CYLC2: variants seen among roughly 807,000 people sequenced by gnomAD.
The protein encoded by CYLC2 is cylicin 2, also known as cylicin-2.
Under a neutral mutation model 26.1 loss-of-function variants are expected in CYLC2, and 30 were observed. The observed-to-expected ratio is 1.15, with a 90% CI of 0.86 to 1.56. CYLC2 has a LOEUF of 1.56. CYLC2 is among the 40% of genes most tolerant of loss of function. The pLI is 0.00. For missense variants in CYLC2, 498 were observed against 394.4 expected, an observed-to-expected ratio of 1.26 and a Z score of -2.23; for synonymous variants, 158 against 132.8, an observed-to-expected ratio of 1.19 and a Z score of -1.31.
At chr9:103,014,417 A>G in intron 6 of CYLC2, among the ~76,000 whole-genome samples, 1 of 71,868 alleles carries the variant, frequency 1.4e-5, no homozygotes, top group Non-Finnish European at 2.8e-5. Flanking sequence ...ACGTAATGTA[A>G]CATAATAACA....
intron 1 of CYLC2, among the ~76,000 whole-genome samples, chr9:103,001,142 C>A (rs1193012762): frequency 1.3e-5 from 2 of 151,760 alleles, no homozygotes; most frequent in African/African-American, 2.4e-5. Flanking sequence ...TATGCTTTTA[C>A]ATAAGCGTAG....
intron 6 of CYLC2, among the ~76,000 whole-genome samples, chr9:103,016,583 A>C (rs1047332959): frequency 1.2e-4 from 19 of 152,046 alleles, no homozygotes; most frequent in African/African-American, 4.6e-4. Context: ...GAGAGGAGCC[A>C]CTATTTTTTA....
At chr9:103,004,279 T>C (rs950840118) in intron 3 of CYLC2, among the ~76,000 whole-genome samples, 3 of 152,002 alleles carry the variant, frequency 2.0e-5, no homozygotes, top group South Asian at 2.1e-4. Context: ...AAAATGAAAA[T>C]AGACTAAGAT....
intron 7 of CYLC2, among the ~76,000 whole-genome samples, 194 bp downstream of exon 7, chr9:103,017,155 C>G (rs576855081): frequency 6.6e-6 from 1 of 151,398 alleles, no homozygotes; most frequent in African/African-American, 2.4e-5. Flanking sequence ...ATTAATTGGG[C>G]TAAGCATGAT....
At chr9:103,014,624 T>C (rs139960919) in intron 6 of CYLC2, among the ~76,000 whole-genome samples, 44,613 of 100,618 alleles carry the variant, frequency 0.44, 11,018 homozygotes, top group South Asian at 0.61. Flanking sequence ...ATGTATATTA[T>C]GCAGTATACA....
intron 6 of CYLC2, among the ~76,000 whole-genome samples, chr9:103,015,237 A>G (rs1450144158): frequency 8.1e-6 from 1 of 123,310 alleles, no homozygotes; most frequent in Non-Finnish European, 1.6e-5. Flanking sequence ...ATATTTATAT[A>G]TAATCTGATA....
At position 103,000,409 on chromosome 9, in the gene CYLC2, G is replaced by A. The variant is rs150501786; in HGVS notation, c.18-1169G>A. On this transcript the variant is annotated intron_variant, in intron 1 of 7. Coordinates refer to ENST00000374798, the MANE Select transcript of CYLC2 (RefSeq NM_001340.5). ...CATGAACTTAAAATCTTTCCTCTTC[G>A]AGAGCATTTGGAATAATGCAGTTCA... is the stretch of plus-strand genomic sequence containing the variant. Among the ~76,000 whole-genome samples, 917 of 151,814 alleles carry A rather than the reference G, an allele frequency of 6.0e-3. 7 individuals are homozygous for A. The highest frequency in any genetic ancestry group is 0.018 in the African/African-American group (738 of 41,454).
intron 5 of CYLC2, among the ~76,000 whole-genome samples, chr9:103,006,914 T>C (rs1002859592): frequency 6.6e-6 from 1 of 152,132 alleles, no homozygotes; most frequent in Non-Finnish European, 1.5e-5. Context: ...AGAATGAACA[T>C]TGTGCTCTCA....
At position 103,014,539 on chromosome 9, in the gene CYLC2, ATGTATAT is replaced by A. The variant is rs1356809666; in HGVS notation, c.*817-2347_*817-2341del. 2.7e-3 allele frequency among the ~76,000 whole-genome samples: 360 copies of A among 135,600 alleles called. 6 individuals are homozygous for A. The highest frequency in any genetic ancestry group is 9.4e-3 in the African/African-American group (336 of 35,888). 89.0% of individuals were successfully genotyped at this position (135,600 alleles called of 152,430 possible). A position where few individuals can be genotyped will look rare whatever the true frequency, so the allele number is the denominator to read the frequency against. On this transcript the variant is annotated intron_variant, in intron 6 of 7. Coordinates refer to ENST00000374798, the MANE Select transcript of CYLC2 (RefSeq NM_001340.5). The stretch of plus-strand genomic sequence containing the variant: ...ACATAATATATGCAATATACATCAT[ATGTATAT>A]TATGCAGTATACATCATATGTATAT...
intron 6 of CYLC2, among the ~76,000 whole-genome samples, chr9:103,016,618 T>C (rs1454369646): frequency 6.6e-6 from 1 of 152,016 alleles, no homozygotes; most frequent in East Asian, 1.9e-4. Flanking sequence ...CCTATTAATT[T>C]CAGGTTGTTG....
chr9:103,015,108 ACATAACAT>A (rs1829483033), intron 6 of CYLC2, among the ~76,000 whole-genome samples: 1 of 82,948 alleles, frequency 1.2e-5, no homozygotes, highest in Non-Finnish European at 2.3e-5. Context: ...CACGTGATAT[ACATAACAT>A]GTATATCACG....
chr9:103,014,490 C>CAATATACATAATATATGT (rs1192652376), intron 6 of CYLC2, among the ~76,000 whole-genome samples: 52 of 131,942 alleles, frequency 3.9e-4, no homozygotes, highest in African/African-American at 1.4e-3. Context: ...GTATATTATG[C>CAATATACATAATATATGT]AATATACATA....
rs141648995 is a variant in CYLC2 at position 103,005,021 on chromosome 9, G to A, written c.390G>A (p.Ser130=). 1.0e-3 allele frequency: 1,597 copies of A among 1,593,492 alleles called. 2 individuals are homozygous for A. The highest frequency in any genetic ancestry group is 1.3e-3 in the Non-Finnish European group (1,503 of 1,175,202). The change falls in exon 5 of 8, where the codon TCG becomes TCA. Residue 130 remains serine, a synonymous_variant. Coordinates refer to ENST00000374798, the MANE Select transcript of CYLC2 (RefSeq NM_001340.5). Reference sequence around the variant, plus strand: ...CAACACAGAAGGACACAACAGATTCGGAATCAGAATTAAAACAAGGAAAAA... The same window carrying A: ...CAACACAGAAGGACACAACAGATTCAGAATCAGAATTAAAACAAGGAAAAA... ...DKTTQKDTTD[S]ESELKQGKKD... is the part of the protein sequence containing the mutation.
intron 6 of CYLC2, among the ~76,000 whole-genome samples, chr9:103,015,129 A>C (rs1829484057): frequency 1.3e-4 from 2 of 15,272 alleles, no homozygotes; most frequent in African/African-American, 2.0e-4. Context: ...ATATCACGTG[A>C]TATACATAAC....
Position 103,005,862 on chromosome 9 carries a change from G to C in CYLC2, c.*184G>C. 1 of 635,430 alleles carries C rather than the reference G, an allele frequency of 1.6e-6. No homozygotes were observed. The highest frequency in any genetic ancestry group is 2.6e-6 in the Non-Finnish European group (1 of 388,284). The allele number at this position is 635,430 out of a possible 1,614,324, so 39.4% of individuals were successfully genotyped here. A position where few individuals can be genotyped will look rare whatever the true frequency, so the allele number is the denominator to read the frequency against. On this transcript the variant is annotated 3_prime_UTR_variant, in exon 5 of 8. Coordinates refer to ENST00000374798, the MANE Select transcript of CYLC2 (RefSeq NM_001340.5). ...GAGATTTATAAAAATATATAAGAAA[G>C]ATGTTAAGAAAAATTAAGGGGGGAT...
intron 2 of CYLC2, among the ~76,000 whole-genome samples, chr9:103,002,679 G>T (rs373727147): frequency 6.6e-6 from 1 of 152,068 alleles, no homozygotes; most frequent in Non-Finnish European, 1.5e-5. Flanking sequence ...TTGGAAAGTT[G>T]TTACTAACTA....
At chr9:102,999,586 T>G (rs1166827796) in intron 1 of CYLC2, among the ~76,000 whole-genome samples, 1 of 151,346 alleles carries the variant, frequency 6.6e-6, no homozygotes, top group Non-Finnish European at 1.5e-5. Context: ...CCAATAAGTT[T>G]AATTTTAAAA....
Position 103,014,536 on chromosome 9 carries a change from C to A in CYLC2, c.*817-2352C>A, listed in dbSNP as rs1247139326. Among the ~76,000 whole-genome samples, 371 of 133,958 alleles carry A rather than the reference C, an allele frequency of 2.8e-3. 4 individuals are homozygous for A. The highest frequency in any genetic ancestry group is 1.0e-2 in the African/African-American group (347 of 34,734). 87.9% of individuals were successfully genotyped at this position (133,958 alleles called of 152,430 possible). A position where few individuals can be genotyped will look rare whatever the true frequency, so the allele number is the denominator to read the frequency against. On this transcript the variant is annotated intron_variant, in intron 6 of 7. Transcript: ENST00000374798. Reference sequence around the variant, plus strand: ...TATACATAATATATGCAATATACATCATATGTATATTATGCAGTATACATC... The same window carrying A: ...TATACATAATATATGCAATATACATAATATGTATATTATGCAGTATACATC...
chr9:103,015,680 G>C (rs940491854), intron 6 of CYLC2, among the ~76,000 whole-genome samples: 1 of 148,534 alleles, frequency 6.7e-6, no homozygotes, highest in African/African-American at 2.4e-5. Flanking sequence ...AGAGTAGCTC[G>C]TTTTTGTCTA....
Sources: gnomAD v4.1 joint callset for allele counts (sites outside exome capture counted in the v4.1 genomes callset) on GRCh38, gnomAD v4.1.1 for gene constraint, MANE v1.5 for transcripts, NCBI Gene and HGNC (gene_info 2026-07-23, HGNC 2026-07-21) for gene names.